Variants in SELENOF observed in about 807,000 individuals in gnomAD.
The protein encoded by SELENOF is 15 kDa selenoprotein.
Under a neutral mutation model 20.5 loss-of-function variants are expected in SELENOF, and 16 were observed. The ratio of observed to expected loss-of-function variants is 0.78; its 90% CI spans 0.53 to 1.19. SELENOF has a LOEUF of 1.19. Among genes scored for constraint, SELENOF ranks in the 50% most tolerant of loss-of-function variants. SELENOF has a pLI of 0.00. For synonymous variants in SELENOF, 78 were observed against 74.5 expected (o/e 1.05, Z -0.24); for missense variants, 215 against 194.2 (o/e 1.11, Z -0.64).
chr1:86,884,378 T>C (rs12735761), intron 2 of SELENOF, among the ~76,000 whole-genome samples: 4,010 of 137,728 alleles, frequency 0.029, 83 homozygotes, highest in Non-Finnish European at 0.035. Flanking sequence ...CACACACACA[T>C]ATACACACAC....
intron 2 of SELENOF, chr1:86,887,166 G>A (rs1344873768): frequency 6.5e-7 from 1 of 1,541,678 alleles, no homozygotes; most frequent in Admixed American, 2.0e-5. Context: ...TTTGAGTGAT[G>A]GCATTCTTGC....
chr1:86,912,659 G>A (rs1452834816), intron 1 of SELENOF, among the ~76,000 whole-genome samples: 3 of 152,198 alleles, frequency 2.0e-5, no homozygotes, highest in Non-Finnish European at 4.4e-5. Context: ...GAGGATGAGA[G>A]GTCACACGGA....
At chr1:86,873,097 T>A (rs966613328) in intron 3 of SELENOF, among the ~76,000 whole-genome samples, 4 of 143,046 alleles carry the variant, frequency 2.8e-5, no homozygotes, top group Non-Finnish European at 6.2e-5. Flanking sequence ...ATAAATAAAA[T>A]AAAAAATAAA....
intron 2 of SELENOF, among the ~76,000 whole-genome samples, chr1:86,881,326 G>A (rs184229557): frequency 6.6e-6 from 1 of 152,250 alleles, no homozygotes; most frequent in East Asian, 1.9e-4. Flanking sequence ...TATAGAACCT[G>A]CACATTCTCT....
At chr1:86,865,871 CT>C (rs947177431) in intron 4 of SELENOF, among the ~76,000 whole-genome samples, 3 of 152,126 alleles carry the variant, frequency 2.0e-5, no homozygotes, top group Admixed American at 6.5e-5. Flanking sequence ...ATGGAAGCAA[CT>C]CAAATGTCCA....
chr1:86,894,860 C>CAACA (rs1553127612), intron 2 of SELENOF, among the ~76,000 whole-genome samples: 3 of 151,920 alleles, frequency 2.0e-5, no homozygotes, highest in Non-Finnish European at 2.9e-5. Context: ...ACAACAACAA[C>CAACA]AACAAACAAA....
At chr1:86,886,462 T>C (rs1238983136) in intron 2 of SELENOF, among the ~76,000 whole-genome samples, 2 of 151,670 alleles carry the variant, frequency 1.3e-5, no homozygotes, top group Admixed American at 1.3e-4. Context: ...CCTTATGAGG[T>C]ACTGCTTGTA....
At position 86,904,886 on chromosome 1, in the gene SELENOF, C is replaced by G. The variant is rs374859385; in HGVS notation, c.85-1438G>C. Among the ~76,000 whole-genome samples the G allele has an allele frequency of 7.4e-4, 113 of 152,300 alleles. 1 individual carries two copies. Among genetic ancestry groups the G allele is most frequent in the African/African-American group, 2.6e-3 (108 of 41,578 alleles). On this transcript the variant is annotated intron_variant, in intron 1 of 4. Transcript: ENST00000331835. The stretch of plus-strand genomic sequence containing the variant: ...TGTTTTTGGCTCTCTCTTAGCTTTA[C>G]ATGCCTTCTATTTATTACTGCATAT...
rs796174744 is a variant in SELENOF at position 86,874,051 on chromosome 1, TA to T, written c.317-5950del. On this transcript the variant is annotated intron_variant, in intron 3 of 4. Transcript: ENST00000331835. ...TTCTCAAATGTGTTCAATGAAAGCT[TA>T]AAAAAAAAAAGACTAAAGAAATGGT... 2.0e-3 allele frequency among the ~76,000 whole-genome samples: 287 copies of T among 143,956 alleles called. 3 individuals are homozygous for T. The highest frequency in any genetic ancestry group is 4.4e-3 in the African/African-American group (173 of 39,548). 94.4% of individuals were successfully genotyped at this position (143,956 alleles called of 152,430 possible).
intron 2 of SELENOF, among the ~76,000 whole-genome samples, chr1:86,896,308 A>T (rs1288618945): frequency 6.6e-6 from 1 of 152,184 alleles, no homozygotes; most frequent in East Asian, 1.9e-4. Flanking sequence ...CTAAAATAAC[A>T]TCTCAAAGCA....
At chr1:86,908,633 T>G (rs1389940728) in intron 1 of SELENOF, among the ~76,000 whole-genome samples, 1 of 152,182 alleles carries the variant, frequency 6.6e-6, no homozygotes, top group Admixed American at 6.5e-5. Context: ...CCAACGATTT[T>G]AACTGTGTGA....
At chr1:86,888,699 C>T (rs1200743570) in intron 2 of SELENOF, among the ~76,000 whole-genome samples, 1 of 152,216 alleles carries the variant, frequency 6.6e-6, no homozygotes, top group East Asian at 1.9e-4. Flanking sequence ...GTCTCGCTCC[C>T]ATTGCGCAAG....
intron 1 of SELENOF, among the ~76,000 whole-genome samples, chr1:86,910,575 G>A (rs1388936033): frequency 1.9e-5 from 2 of 103,604 alleles, no homozygotes; most frequent in African/African-American, 4.5e-5. Flanking sequence ...GTGGTGGCGT[G>A]CACCTGTAAT....
chr1:86,886,153 C>A (rs1250847966), intron 2 of SELENOF, among the ~76,000 whole-genome samples: 1 of 152,112 alleles, frequency 6.6e-6, no homozygotes, highest in Non-Finnish European at 1.5e-5. Flanking sequence ...ACTAGAATCA[C>A]CTGGAAATAT....
At chr1:86,914,393 C>G, upstream of SELENOF, 1 of 490,682 alleles carries the variant, frequency 2.0e-6, no homozygotes, top group Non-Finnish European at 3.7e-6. Context: ...AGAAGCCACG[C>G]CTTCGCCAGT....
chr1:86,903,647 G>A (rs997915554), intron 1 of SELENOF, among the ~76,000 whole-genome samples, 199 bp from the exon 2 acceptor site: 1 of 151,818 alleles, frequency 6.6e-6, no homozygotes, highest in Non-Finnish European at 1.5e-5. Flanking sequence ...CAGGCTGGAG[G>A]GCAGTGGTGC....
intron 2 of SELENOF, among the ~76,000 whole-genome samples, chr1:86,888,734 G>A (rs1182162215): frequency 6.6e-6 from 1 of 152,194 alleles, no homozygotes; most frequent in East Asian, 1.9e-4. Context: ...TGCGATCTCG[G>A]CTCACTGCAA....
chr1:86,868,812 T>C lies in SELENOF; in HGVS notation c.317-710A>G, dbSNP rs555150224. On this transcript the variant is annotated intron_variant, in intron 3 of 4. Transcript: ENST00000331835. ...GACCCAAAAGGAAATGTTTTATAGA[T>C]ACGCCTATGTAAAAATGGAAACATC... Among the ~76,000 whole-genome samples, 8 of 152,112 alleles carry C rather than the reference T, an allele frequency of 5.3e-5. 1 individual carries two copies. The South Asian group carries it at 1.5e-3, about 28-fold the overall frequency.
chr1:86,879,382 G>C (rs1180385022), intron 3 of SELENOF, among the ~76,000 whole-genome samples: 1 of 152,110 alleles, frequency 6.6e-6, no homozygotes, highest in African/African-American at 2.4e-5. Flanking sequence ...ATCAGAATGT[G>C]TTATTCTAAC....
Sources: allele counts gnomAD v4.1 joint callset (sites outside exome capture counted in the v4.1 genomes callset), GRCh38; gene constraint gnomAD v4.1.1; transcripts MANE v1.5; gene names NCBI Gene and HGNC (gene_info 2026-07-23, HGNC 2026-07-21).